Variants in KLHL29 observed in about 807,000 individuals in gnomAD.
KLHL29 encodes kelch-like protein 29.
Under a neutral mutation model 80.4 loss-of-function variants are expected in KLHL29, and 21 were observed. The ratio of observed to expected loss-of-function variants is 0.26; its 90% CI spans 0.19 to 0.38. The LOEUF is 0.38. Among genes scored for constraint, KLHL29 ranks in the 10% least tolerant of loss-of-function variants. The pLI, the probability that KLHL29 is intolerant of heterozygous loss-of-function variation, is 1.00. For missense variants in KLHL29, 867 were observed against 1,223.9 expected (o/e 0.71, Z 4.35); for synonymous variants, 511 against 526.8 (o/e 0.97, Z 0.41).
chr2:23,392,985 AAAAACTT>A (rs1221894210), intron 1 of KLHL29, among the ~76,000 whole-genome samples: 1 of 152,254 alleles, frequency 6.6e-6, no homozygotes, highest in African/African-American at 2.4e-5. Context: ...GGCTAATGAG[AAAAACTT>A]TTAGGTGTTT....
intron 2 of KLHL29, among the ~76,000 whole-genome samples, chr2:23,480,669 C>T (rs1243778769): frequency 6.6e-6 from 1 of 152,168 alleles, no homozygotes; most frequent in Non-Finnish European, 1.5e-5. Flanking sequence ...AAAGAGTTTG[C>T]AAAACAATAT....
At chr2:23,545,510 G>A (rs970861774) in intron 2 of KLHL29, among the ~76,000 whole-genome samples, 3 of 152,158 alleles carry the variant, frequency 2.0e-5, no homozygotes, top group Non-Finnish European at 2.9e-5. Context: ...GGGGTGGGGT[G>A]TCCCCAGGCC....
At chr2:23,482,303 T>A (rs1036382283) in intron 2 of KLHL29, among the ~76,000 whole-genome samples, 3 of 152,244 alleles carry the variant, frequency 2.0e-5, no homozygotes, top group Non-Finnish European at 4.4e-5. Context: ...AGTTTATTTT[T>A]ACGGCAAAAT....
chr2:23,562,475 C>T lies in KLHL29; in HGVS notation c.279C>T (p.Thr93=), dbSNP rs1349339549. The T allele has an allele frequency of 6.5e-7, 1 of 1,535,856 alleles. No individual in the cohort carries two copies. The highest frequency in any genetic ancestry group is 8.7e-7 in the Non-Finnish European group (1 of 1,146,746). Residue 93 remains threonine, a synonymous_variant, in exon 3 of 14, where the codon ACC becomes ACT. Transcript: ENST00000486442. This position sits in a 1 kb window ranked among gnomAD's most constrained non-coding sequence, Gnocchi z 4.5. ...TGGCCAGCTCTGCGTCTGCGGTCACCACCAAGGTAAGATGTGGTGTCATCT... is the reference window on the plus strand; with the variant it reads ...TGGCCAGCTCTGCGTCTGCGGTCACTACCAAGGTAAGATGTGGTGTCATCT... ...SLVASSASAV[T]TKAPGISKGD... is the part of the protein sequence containing the mutation.
intron 2 of KLHL29, among the ~76,000 whole-genome samples, chr2:23,555,120 TC>T (rs371301016): frequency 0.25 from 29,617 of 119,708 alleles, 3,630 homozygotes; most frequent in East Asian, 0.72. Context: ...GAGGATGACC[TC>T]CCCCCCCCCC....
chr2:23,500,203 C>T (rs1049917693), intron 2 of KLHL29, among the ~76,000 whole-genome samples: 2 of 152,102 alleles, frequency 1.3e-5, no homozygotes, highest in African/African-American at 4.8e-5. Flanking sequence ...GTGGTGCGTT[C>T]GTGTCAAACA....
At position 23,706,701 on chromosome 2, in the gene KLHL29, T is replaced by C; in HGVS notation, c.*37T>C. On this transcript the variant is annotated 3_prime_UTR_variant, in exon 14 of 14. Coordinates refer to ENST00000486442, the MANE Select transcript of KLHL29 (RefSeq NM_052920.2). ...AGCCCACGATAAGACTGTGGACAAG[T>C]CTGGTGAGGCAAGTGCCACGCAATG... The C allele has an allele frequency of 7.0e-7, 1 of 1,426,682 alleles. No individual in the cohort carries two copies. Among genetic ancestry groups the C allele is most frequent in the Non-Finnish European group, 9.2e-7 (1 of 1,081,410 alleles). The allele number at this position is 1,426,682 out of a possible 1,614,324, so 88.4% of individuals were successfully genotyped here.
chr2:23,448,854 T>C (rs2164866), intron 1 of KLHL29, among the ~76,000 whole-genome samples: 76,854 of 151,856 alleles, frequency 0.51, 20,720 homozygotes, highest in African/African-American at 0.71. Flanking sequence ...TTTCCTTAGC[T>C]TCTCAAAGCA....
Position 23,562,773 on chromosome 2 carries a change from A to C in KLHL29, c.285+292A>C, listed in dbSNP as rs749894882. Among the ~76,000 whole-genome samples the C allele has an allele frequency of 3.3e-5, 5 of 152,250 alleles. No homozygotes were observed. The highest frequency in any genetic ancestry group is 5.9e-5 in the Non-Finnish European group (4 of 68,048). ...AGATGCTATTAATGAGTGAAGTAAC[A>C]GTGGACCTCCAAGATGGCAATATGG... On this transcript the variant is annotated intron_variant, in intron 3 of 13. Transcript: ENST00000486442. The surrounding 1 kb of genome is among the most constrained non-coding windows in gnomAD (Gnocchi z 4.5).
intron 6 of KLHL29, 107 bp from the exon 7 acceptor site, chr2:23,691,567 C>G (rs1044190450): frequency 1.1e-6 from 1 of 933,980 alleles, no homozygotes; most frequent in African/African-American, 1.6e-5. Context: ...CCTTTGAGCC[C>G]TAAAACCAAG....
chr2:23,678,267 G>A (rs1048165010), intron 5 of KLHL29, among the ~76,000 whole-genome samples: 5 of 152,152 alleles, frequency 3.3e-5, no homozygotes, highest in Admixed American at 2.0e-4. Context: ...GCCACTTGCC[G>A]CTGCATCCAC....
chr2:23,686,878 A>T (rs1226544020), intron 6 of KLHL29, among the ~76,000 whole-genome samples: 2 of 152,182 alleles, frequency 1.3e-5, no homozygotes, highest in Non-Finnish European at 2.9e-5. Context: ...TGTGGCTGAA[A>T]GTCGCCGTGT....
Position 23,385,789 on chromosome 2 carries a change from C to A in KLHL29, c.-154+9C>A. The A allele has an allele frequency of 6.5e-6, 1 of 153,950 alleles. No homozygotes were observed. The highest frequency in any genetic ancestry group is 2.0e-4 in the South Asian group (1 of 4,970). 9.5% of individuals were successfully genotyped at this position (153,950 alleles called of 1,614,324 possible). A position where few individuals can be genotyped will look rare whatever the true frequency, so the allele number is the denominator to read the frequency against. ...GGAGCCGCGCGCCGGAGGTAAGAGC[C>A]GGGCCGGGCTGGAGCGCCTCGGATG... On this transcript the variant is annotated intron_variant, in intron 1 of 13. Coordinates refer to ENST00000486442, the MANE Select transcript of KLHL29 (RefSeq NM_052920.2).
chr2:23,607,272 C>T (rs1030572543), intron 3 of KLHL29, among the ~76,000 whole-genome samples: 1 of 152,034 alleles, frequency 6.6e-6, no homozygotes, highest in Non-Finnish European at 1.5e-5. Flanking sequence ...TCAGAGGGGG[C>T]CTGCACACTG....
At chr2:23,497,738 G>C (rs567415869) in intron 2 of KLHL29, among the ~76,000 whole-genome samples, 14 of 152,232 alleles carry the variant, frequency 9.2e-5, no homozygotes, top group Non-Finnish European at 1.2e-4. Context: ...GGCCAAGAGA[G>C]AGGGTGGCCT....
chr2:23,417,421 A>G (rs1667002711), intron 1 of KLHL29, among the ~76,000 whole-genome samples: 1 of 152,202 alleles, frequency 6.6e-6, no homozygotes, highest in African/African-American at 2.4e-5. Flanking sequence ...GGTGAGCACA[A>G]TTCACATACT....
chr2:23,558,047 A>G (rs1653716), intron 2 of KLHL29, among the ~76,000 whole-genome samples: 7 of 152,104 alleles, frequency 4.6e-5, no homozygotes, highest in African/African-American at 1.7e-4. Context: ...AGGGTCATAG[A>G]TGTTTGCAAA....
chr2:23,556,509 G>A (rs750668180), intron 2 of KLHL29, among the ~76,000 whole-genome samples: 2 of 151,908 alleles, frequency 1.3e-5, no homozygotes, highest in African/African-American at 2.4e-5. Flanking sequence ...AAAAATTAGC[G>A]GGTGTGGTGA....
Position 23,562,561 on chromosome 2 carries a change from C to A in KLHL29, c.285+80C>A, listed in dbSNP as rs1667478530. On this transcript the variant is annotated intron_variant, in intron 3 of 13. Transcript: ENST00000486442. The surrounding 1 kb of genome is among the most constrained non-coding windows in gnomAD (Gnocchi z 4.5). ...TGCAGGCTCAGGCCAGCCCCACAGGCTCCTGTGGGGCAGCCTGTGCTCCAC... is the reference window on the plus strand; with the variant it reads ...TGCAGGCTCAGGCCAGCCCCACAGGATCCTGTGGGGCAGCCTGTGCTCCAC... 1.2e-5 allele frequency: 17 copies of A among 1,387,766 alleles called. No homozygotes were observed. Among genetic ancestry groups the A allele is most frequent in the Non-Finnish European group, 1.6e-5 (17 of 1,033,838 alleles). The allele number at this position is 1,387,766 out of a possible 1,614,324, so 86.0% of individuals were successfully genotyped here. A position where few individuals can be genotyped will look rare whatever the true frequency, so the allele number is the denominator to read the frequency against.
Sources: allele counts gnomAD v4.1 joint callset (sites outside exome capture counted in the v4.1 genomes callset), GRCh38; gene constraint gnomAD v4.1.1; non-coding constraint Gnocchi (gnomAD v3.1); transcripts MANE v1.5; gene names NCBI Gene and HGNC (gene_info 2026-07-23, HGNC 2026-07-21).